Variants in FANCA observed in about 807,000 individuals in gnomAD.
FANCA encodes FA complementation group A, also known as Fanconi anemia group A protein.
FANCA carries 236 observed loss-of-function variants against 194.3 expected under a neutral mutation model. The observed-to-expected ratio is 1.21, with a 90% CI of 1.09 to 1.35. The LOEUF (loss-of-function observed/expected upper bound fraction) is 1.35, where lower values mean the gene tolerates loss of function less well. Among genes scored for constraint, FANCA ranks in the 40% most tolerant of loss-of-function variants. The pLI, the probability that FANCA is intolerant of heterozygous loss-of-function variation, is 0.00. For synonymous variants in FANCA, 1,014 were observed against 715.8 expected, an observed-to-expected ratio of 1.42 and a Z score of -6.65; for missense variants, 2,628 against 1,813.9, an observed-to-expected ratio of 1.45 and a Z score of -8.15.
In FANCA at chr16:89,738,395, C is replaced by T. The variant is rs1248772014; in HGVS notation, c.*206G>A. On this transcript the variant is annotated 3_prime_UTR_variant, in exon 43 of 43. Coordinates refer to ENST00000389301, the MANE Select transcript of FANCA (RefSeq NM_000135.4). ...GGGCTTGGTGTCCGGCTCAAGTAGC[C>T]TTCCTCTGCTCTGGGACCAGTGGTT... 2.2e-6 allele frequency: 3 copies of T among 1,385,350 alleles called. No homozygotes were observed. Among genetic ancestry groups the T allele is most frequent in the South Asian group, 1.4e-5 (1 of 73,134 alleles). 85.8% of individuals were successfully genotyped at this position (1,385,350 alleles called of 1,614,324 possible).
At chr16:89,797,856 C>T (rs2040300702) in intron 10 of FANCA, among the ~76,000 whole-genome samples, 1 of 152,104 alleles carries the variant, frequency 6.6e-6, no homozygotes, top group Non-Finnish European at 1.5e-5. Flanking sequence ...GATCTCACCA[C>T]TGCACTCCAG....
chr16:89,739,787 T>G, intron 39 of FANCA: 1 of 1,469,188 alleles, frequency 6.8e-7, no homozygotes, highest in Non-Finnish European at 9.0e-7. Context: ...GTCCCCATGA[T>G]AGGCCCATTG....
rs959648857 is a variant in FANCA at position 89,808,216 on chromosome 16, G to A, written c.596+78C>T. ...TCAAAGCCAGAAATCAAACCCGTCT[G>A]ATTCTGGGCTTTGAAATATAATTTA... On this transcript the variant is annotated intron_variant, in intron 6 of 42. Coordinates refer to ENST00000389301, the MANE Select transcript of FANCA (RefSeq NM_000135.4). The A allele has an allele frequency of 8.7e-6, 12 of 1,386,218 alleles. No individual in the cohort carries two copies. In the South Asian group the frequency reaches 1.0e-4, roughly 12 times the overall value. The allele number at this position is 1,386,218 out of a possible 1,614,324, so 85.9% of individuals were successfully genotyped here. A position where few individuals can be genotyped will look rare whatever the true frequency, so the allele number is the denominator to read the frequency against.
At chr16:89,741,516 T>C (rs1219330625) in intron 37 of FANCA, among the ~76,000 whole-genome samples, 1 of 152,210 alleles carries the variant, frequency 6.6e-6, no homozygotes, top group East Asian at 1.9e-4. Context: ...AGCTCTCTTG[T>C]GGGATGCTTG....
At chr16:89,780,392 G>A (rs763491653) in intron 17 of FANCA, among the ~76,000 whole-genome samples, 1 of 152,142 alleles carries the variant, frequency 6.6e-6, no homozygotes. Context: ...GAGGCTAAGC[G>A]GGGCAGACTG....
At chr16:89,778,281 T>A (rs1279433082) in intron 20 of FANCA, 8 of 227,288 alleles carry the variant, frequency 3.5e-5, no homozygotes, top group Non-Finnish European at 6.1e-5. Context: ...GCCTGGCCAA[T>A]ATGGCAAAAC....
chr16:89,805,765 CTTT>C (rs1214418208), intron 6 of FANCA, among the ~76,000 whole-genome samples: 1 of 115,098 alleles, frequency 8.7e-6, no homozygotes, highest in East Asian at 6.7e-4. Flanking sequence ...CTTGTGACTT[CTTT>C]GACTCATTAT....
chr16:89,740,500 CAG>C, intron 38 of FANCA: 1 of 481,030 alleles, frequency 2.1e-6, no homozygotes, highest in Non-Finnish European at 3.7e-6. Context: ...CCGGGTGTGA[CAG>C]ACTCACGCCT....
chr16:89,799,449 C>G (rs1258385432), intron 9 of FANCA, among the ~76,000 whole-genome samples, 156 bp downstream of exon 9: 1 of 152,186 alleles, frequency 6.6e-6, no homozygotes, highest in Non-Finnish European at 1.5e-5. Context: ...CTTCACAGCT[C>G]TGAAAATGCC....
At chr16:89,743,631 C>T (rs1321140600) in intron 36 of FANCA, among the ~76,000 whole-genome samples, 6 of 151,920 alleles carry the variant, frequency 3.9e-5, no homozygotes, top group Non-Finnish European at 8.8e-5. Flanking sequence ...CGAGACCAGC[C>T]TGACCAACGT....
intron 30 of FANCA, among the ~76,000 whole-genome samples, chr16:89,752,770 T>G (rs1341088152): frequency 1.3e-5 from 2 of 152,178 alleles, no homozygotes; most frequent in Non-Finnish European, 2.9e-5. Flanking sequence ...GGCTCCTTGG[T>G]CTAGCGGTGA....
intron 31 of FANCA, 100 bp from the exon 32 acceptor site, chr16:89,750,002 G>T (rs181203871): frequency 1.6e-6 from 2 of 1,236,016 alleles, no homozygotes; most frequent in Non-Finnish European, 2.4e-6. Context: ...TCTCCACAGT[G>T]GACAGGGCAA....
At chr16:89,763,803 C>T (rs759743608) in intron 28 of FANCA, among the ~76,000 whole-genome samples, 2 of 151,286 alleles carry the variant, frequency 1.3e-5, no homozygotes, top group African/African-American at 4.9e-5. Flanking sequence ...CGTGGTGGTG[C>T]GCGCCTGTAG....
chr16:89,778,160 T>TAAAA (rs1483796956), intron 20 of FANCA, among the ~76,000 whole-genome samples: 1 of 45,092 alleles, frequency 2.2e-5, no homozygotes, highest in Non-Finnish European at 4.0e-5. Flanking sequence ...AGACTTCATC[T>TAAAA]CAAAAAAAAA....
In FANCA at chr16:89,737,936, C is replaced by A. The variant is rs752814489; in HGVS notation, c.*665G>T. ...TGTGAGTCAGGACCCCCTCCCAGGG[C>A]TGTGGCCCTCGCACCTTCTTATCTG... On this transcript the variant is annotated 3_prime_UTR_variant, in exon 43 of 43. Coordinates refer to ENST00000389301, the MANE Select transcript of FANCA (RefSeq NM_000135.4). 2 of 1,613,922 alleles carry A rather than the reference C, an allele frequency of 1.2e-6. No individual in the cohort carries two copies. The highest frequency in any genetic ancestry group is 2.2e-5 in the South Asian group (2 of 91,056).
In FANCA at chr16:89,737,840, A is replaced by G; in HGVS notation, c.*761T>C. ...ACTATATCTGTGACGAATGTGGACA[A>G]ACCTTCAAGCAGCGGAAGCACCTTC... On this transcript the variant is annotated 3_prime_UTR_variant, in exon 43 of 43. Coordinates refer to ENST00000389301, the MANE Select transcript of FANCA (RefSeq NM_000135.4). 6.2e-7 allele frequency: 1 copy of G among 1,614,194 alleles called. No homozygotes were observed. Among genetic ancestry groups the G allele is most frequent in the South Asian group, 1.1e-5 (1 of 91,086 alleles).
intron 33 of FANCA, among the ~76,000 whole-genome samples, chr16:89,747,565 G>A (rs2038433256): frequency 6.6e-6 from 1 of 152,112 alleles, no homozygotes; most frequent in Non-Finnish European, 1.5e-5. Context: ...CGGTCATGGC[G>A]GCAGGCACCT....
In FANCA at chr16:89,784,951, C is replaced by T; in HGVS notation, c.1373G>A (p.Ser458Asn). ...GCTGCAGCCATGGTAGCCTCGTGTG[C>T]TCCCAAAGGAGGCCTGTGTGGAGAG... ...YADWFKASFG[S>N]TRGYHGCSKK... Residue 458 changes from serine (S) to asparagine (N), a missense_variant, in exon 15 of 43, where the codon AGC (serine) becomes AAC (asparagine). Physicochemically the swap from Ser to Asn is conservative, Grantham distance 46 (BLOSUM62 1). Coordinates refer to ENST00000389301, the MANE Select transcript of FANCA (RefSeq NM_000135.4). 1 of 1,613,674 alleles carries T rather than the reference C, an allele frequency of 6.2e-7. No individual in the cohort carries two copies. Among genetic ancestry groups the T allele is most frequent in the Non-Finnish European group, 8.5e-7 (1 of 1,179,666 alleles).
intron 14 of FANCA, among the ~76,000 whole-genome samples, chr16:89,788,466 T>C (rs1169451955): frequency 1.3e-5 from 2 of 151,084 alleles, no homozygotes; most frequent in East Asian, 2.0e-4. Flanking sequence ...CAAAAACAGA[T>C]GTTCAAACAC....
Sources: allele counts gnomAD v4.1 joint callset (sites outside exome capture counted in the v4.1 genomes callset), GRCh38; gene constraint gnomAD v4.1.1; transcripts MANE v1.5; gene names NCBI Gene and HGNC (gene_info 2026-07-23, HGNC 2026-07-21).